The following PNPO variants were observed in gnomAD, a reference collection of about 807,000 sequenced individuals.
PNPO encodes the protein pyridoxamine 5'-phosphate oxidase, also known as pyridoxine-5'-phosphate oxidase.
A neutral mutation model predicts 35.0 loss-of-function variants in PNPO; 39 were observed. The ratio of observed to expected loss-of-function variants is 1.11; its 90% CI spans 0.86 to 1.45. The LOEUF is 1.45. PNPO is among the 40% of genes most tolerant of loss of function. The pLI is 0.00. For synonymous variants in PNPO, 115 were observed against 119.8 expected (o/e 0.96, Z 0.26); for missense variants, 288 against 340.0 (o/e 0.85, Z 1.20).
intron 2 of PNPO, 42 bp downstream of exon 2, chr17:47,943,472 A>C (rs906537043): frequency 3.1e-6 from 5 of 1,609,518 alleles, no homozygotes; most frequent in Non-Finnish European, 3.4e-6. Context: ...GATACATATG[A>C]ACTAGGAAGC....
At chr17:47,941,837 C>G (rs1372748631) in intron 1 of PNPO, 24 bp downstream of exon 1, 5 of 1,546,544 alleles carry the variant, frequency 3.2e-6, no homozygotes, top group Non-Finnish European at 4.4e-6. Flanking sequence ...GGCCAGGCCT[C>G]CTGCAGGGGC....
Position 47,945,440 on chromosome 17 carries a change from T to C in PNPO, c.364-119T>C. On this transcript the variant is annotated intron_variant, in intron 3 of 6. Coordinates refer to ENST00000642017, the MANE Select transcript of PNPO (RefSeq NM_018129.4). The surrounding 1 kb of genome is among the most constrained non-coding windows in gnomAD (Gnocchi z 4.0). ...TACTTTTGAGGGTTTAAATGAGCTC[T>C]TACGGTGGGTGCATCTGCTGTGGGC... 1 of 811,038 alleles carries C rather than the reference T, an allele frequency of 1.2e-6. No homozygotes were observed. Among genetic ancestry groups the C allele is most frequent in the South Asian group, 1.3e-5 (1 of 74,510 alleles). 50.2% of individuals were successfully genotyped at this position (811,038 alleles called of 1,614,324 possible). A position where few individuals can be genotyped will look rare whatever the true frequency, so the allele number is the denominator to read the frequency against.
chr17:47,946,880 C>A lies in PNPO; in HGVS notation c.*98C>A. The stretch of plus-strand genomic sequence containing the variant: ...CCTTCTTTCTAAACTCAACCCATTT[C>A]CCTCCCTACCCCTTATCTTCAGGAC... On this transcript the variant is annotated 3_prime_UTR_variant, in exon 7 of 7. Transcript: ENST00000642017. 9.4e-7 allele frequency: 1 copy of A among 1,059,116 alleles called. No homozygotes were observed. Among genetic ancestry groups the A allele is most frequent in the South Asian group, 1.3e-5 (1 of 77,896 alleles). The allele number at this position is 1,059,116 out of a possible 1,614,324, so 65.6% of individuals were successfully genotyped here.
Position 47,942,464 on chromosome 17 carries a change from G to T in PNPO, c.138+651G>T, listed in dbSNP as rs551734868. 3.7e-3 allele frequency among the ~76,000 whole-genome samples: 569 copies of T among 152,202 alleles called. 2 individuals carry two copies. The highest frequency in any genetic ancestry group is 0.013 in the African/African-American group (542 of 41,500). On this transcript the variant is annotated intron_variant, in intron 1 of 6. Transcript: ENST00000642017. ...TGGTCATGGGCCCCTCTTTAGGTGG[G>T]TACAGTGACAAACAGCTTACAAACT...
In PNPO at chr17:47,945,381, A is replaced by G; in HGVS notation, c.364-178A>G. 1.5e-6 allele frequency: 1 copy of G among 645,252 alleles called. No homozygotes were observed. Among genetic ancestry groups the G allele is most frequent in the East Asian group, 2.8e-5 (1 of 35,794 alleles). The allele number at this position is 645,252 out of a possible 1,614,324, so 40.0% of individuals were successfully genotyped here. Reference sequence around the variant, plus strand: ...CTTCCTGCAGGAACTTGGGCACGTGACTTAGCCTGTCTCTGTGTCTGTGAC... The same window carrying G: ...CTTCCTGCAGGAACTTGGGCACGTGGCTTAGCCTGTCTCTGTGTCTGTGAC... On this transcript the variant is annotated intron_variant, in intron 3 of 6. Transcript: ENST00000642017. The surrounding 1 kb of genome is among the most constrained non-coding windows in gnomAD (Gnocchi z 4.0).
At chr17:47,943,951 AC>A in intron 2 of PNPO, among the ~76,000 whole-genome samples, 1 of 152,182 alleles carries the variant, frequency 6.6e-6, no homozygotes, top group East Asian at 1.9e-4. Context: ...ATCTCATAGC[AC>A]CACTGTGATC....
At chr17:47,942,078 C>T (rs1042537805) in intron 1 of PNPO, 2 of 1,253,852 alleles carry the variant, frequency 1.6e-6, no homozygotes, top group African/African-American at 1.5e-5. Flanking sequence ...TGGAGCCTGC[C>T]TGGGTTGGAA....
At position 47,946,681 on chromosome 17, in the gene PNPO, C is replaced by T. The variant is rs104894629; in HGVS notation, c.685C>T (p.Arg229Trp). ...WQGQTNRLHD[R>W]IVFRRGLPTG... is the part of the protein sequence containing the mutation. ...AGGTCAAACCAACCGCCTGCATGAC[C>T]GGATAGTCTTTCGGCGGGGCCTACC... The change falls in exon 7 of 7, where the codon CGG (arginine) becomes TGG (tryptophan). Residue 229 changes from arginine to tryptophan, a missense_variant. By Grantham distance (101) the Arg-to-Trp change is moderately radical. Coordinates refer to ENST00000642017, the MANE Select transcript of PNPO (RefSeq NM_018129.4). 11 of 1,614,166 alleles carry T rather than the reference C, an allele frequency of 6.8e-6. No homozygotes were observed. Among genetic ancestry groups the T allele is most frequent in the East Asian group, 4.5e-5 (2 of 44,884 alleles).
chr17:47,946,716 T>C lies in PNPO; in HGVS notation c.720T>C (p.Asp240=), dbSNP rs886937123. ...IVFRRGLPTG[D]SPLGPMTHRG... is the part of the protein sequence containing the mutation. ...TTCGGCGGGGCCTACCCACAGGAGA[T>C]TCCCCTTTGGGGCCCATGACCCACC... is the stretch of plus-strand genomic sequence containing the variant. The change falls in exon 7 of 7, where the codon GAT becomes GAC. Residue 240 remains aspartate (D), a synonymous_variant. Transcript: ENST00000642017. 6.2e-7 allele frequency: 1 copy of C among 1,614,016 alleles called. No homozygotes were observed. The highest frequency in any genetic ancestry group is 8.5e-7 in the Non-Finnish European group (1 of 1,179,960).
intron 1 of PNPO, 69 bp downstream of exon 1, chr17:47,941,882 G>T: frequency 6.7e-7 from 1 of 1,493,528 alleles, no homozygotes; most frequent in Non-Finnish European, 9.0e-7. Flanking sequence ...ATCTACAGCG[G>T]GGAGGGGAGT....
At position 47,948,347 on chromosome 17, in the gene PNPO, T is replaced by TCA. The variant is rs1218642721; in HGVS notation, c.*1565_*1566insCA. 1.3e-5 allele frequency: 2 copies of TCA among 152,162 alleles called. No individual in the cohort carries two copies. Among genetic ancestry groups the TCA allele is most frequent in the Non-Finnish European group, 2.9e-5 (2 of 68,028 alleles). 9.4% of individuals were successfully genotyped at this position (152,162 alleles called of 1,614,324 possible). ...TGCTGATAATTCCTAGTTCATTGGT[T>TCA]TTTCCCCCACACTGGAATTACCTGG... is the stretch of plus-strand genomic sequence containing the variant. On this transcript the variant is annotated 3_prime_UTR_variant, in exon 7 of 7. Transcript: ENST00000642017.
Position 47,945,408 on chromosome 17 carries a change from A to G in PNPO, c.364-151A>G. 1.4e-6 allele frequency: 1 copy of G among 706,996 alleles called. No homozygotes were observed. Among genetic ancestry groups the G allele is most frequent in the Non-Finnish European group, 2.6e-6 (1 of 383,336 alleles). 43.8% of individuals were successfully genotyped at this position (706,996 alleles called of 1,614,324 possible). The stretch of plus-strand genomic sequence containing the variant: ...TTAGCCTGTCTCTGTGTCTGTGACA[A>G]TAGGCCTACTTTTGAGGGTTTAAAT... On this transcript the variant is annotated intron_variant, in intron 3 of 6. Transcript: ENST00000642017. This position sits in a 1 kb window ranked among gnomAD's most constrained non-coding sequence, Gnocchi z 4.0.
chr17:47,945,710 C>T lies in PNPO; in HGVS notation c.417+98C>T. 1 of 1,443,158 alleles carries T rather than the reference C, an allele frequency of 6.9e-7. No individual in the cohort carries two copies. The highest frequency in any genetic ancestry group is 9.7e-7 in the Non-Finnish European group (1 of 1,025,752). The allele number at this position is 1,443,158 out of a possible 1,614,324, so 89.4% of individuals were successfully genotyped here. Reference sequence around the variant, plus strand: ...GAAGGTCCCCAGACTGGGCAAACATCCCAGCTGGGCACTCTGCCTCTAAAA... The same window carrying T: ...GAAGGTCCCCAGACTGGGCAAACATTCCAGCTGGGCACTCTGCCTCTAAAA... On this transcript the variant is annotated intron_variant, in intron 4 of 6. Transcript: ENST00000642017. This position sits in a 1 kb window ranked among gnomAD's most constrained non-coding sequence, Gnocchi z 4.0.
chr17:47,946,575 A>T, intron 6 of PNPO, 39 bp from the exon 7 acceptor site: 1 of 1,607,960 alleles, frequency 6.2e-7, no homozygotes, highest in Non-Finnish European at 8.5e-7. Flanking sequence ...CTGGCTAGAA[A>T]ACTCCACAGA....
intron 2 of PNPO, 128 bp downstream of exon 2, chr17:47,943,558 A>T: frequency 1.7e-6 from 2 of 1,155,072 alleles, no homozygotes; most frequent in South Asian, 2.7e-5. Context: ...GCTTTAGGCA[A>T]GATACTTGTC....
chr17:47,941,880 C>A, intron 1 of PNPO, 67 bp downstream of exon 1: 5 of 1,486,374 alleles, frequency 3.4e-6, no homozygotes, highest in African/African-American at 1.4e-5. Flanking sequence ...TCATCTACAG[C>A]GGGGAGGGGA....
chr17:47,946,599 T>A lies in PNPO; in HGVS notation c.618-15T>A. 6.2e-7 allele frequency: 1 copy of A among 1,613,950 alleles called. No homozygotes were observed. The highest frequency in any genetic ancestry group is 8.5e-7 in the Non-Finnish European group (1 of 1,179,772). On this transcript the variant is annotated splice_polypyrimidine_tract_variant and intron_variant, in intron 6 of 6. Transcript: ENST00000642017. ...AAACTCCACAGAGCACTGAAACCTC[T>A]GCTTCTCCTTATAGGGGTGGCTATG...
Position 47,946,834 on chromosome 17 carries a change from G to A in PNPO, c.*52G>A, listed in dbSNP as rs748610077. On this transcript the variant is annotated 3_prime_UTR_variant, in exon 7 of 7. Transcript: ENST00000642017. Reference sequence around the variant, plus strand: ...AGCTAGGGCTAGGTGTCAAGAGAGGGTGTGGGATTGGGACCCAGGCCCTTC... The same window carrying A: ...AGCTAGGGCTAGGTGTCAAGAGAGGATGTGGGATTGGGACCCAGGCCCTTC... The A allele has an allele frequency of 3.2e-6, 5 of 1,563,604 alleles. No individual in the cohort carries two copies. The South Asian group carries it at 5.6e-5, about 17-fold the overall frequency.
Position 47,946,093 on chromosome 17 carries a change from T to C in PNPO, c.546+104T>C, listed in dbSNP as rs1379511210. 2.8e-6 allele frequency: 4 copies of C among 1,434,026 alleles called. No individual in the cohort carries two copies. In the East Asian group the frequency reaches 9.1e-5, roughly 33 times the overall value. 88.8% of individuals were successfully genotyped at this position (1,434,026 alleles called of 1,614,324 possible). A position where few individuals can be genotyped will look rare whatever the true frequency, so the allele number is the denominator to read the frequency against. On this transcript the variant is annotated intron_variant, in intron 5 of 6. Transcript: ENST00000642017. ...GGAGATGTCCCCAGGAGATGTCCTC[T>C]CTCTCCAGCCCAGTGAAAACAGTGA...
Sources: gnomAD v4.1 joint callset for allele counts (sites outside exome capture counted in the v4.1 genomes callset) on GRCh38, gnomAD v4.1.1 for gene constraint, Gnocchi (gnomAD v3.1) non-coding constraint, MANE v1.5 for transcripts, NCBI Gene and HGNC (gene_info 2026-07-23, HGNC 2026-07-21) for gene names.